PABPC4L: variants seen among roughly 807,000 people sequenced by gnomAD.
PABPC4L encodes poly(A) binding protein cytoplasmic 4 like, also known as polyadenylate-binding protein 4-like.
For missense variants in PABPC4L, 452 were observed against 451.4 expected, an observed-to-expected ratio of 1.00 and a Z score of -0.01; for synonymous variants, 169 against 164.1, an observed-to-expected ratio of 1.03 and a Z score of -0.23.
the PABPC4L span, among the ~76,000 whole-genome samples, chr4:133,968,589 G>C: frequency 6.6e-6 from 1 of 151,916 alleles, no homozygotes; most frequent in Non-Finnish European, 1.5e-5. Flanking sequence ...CTCCAGTTGT[G>C]AATACAAAAA....
chr4:134,060,638 T>C, the PABPC4L span, among the ~76,000 whole-genome samples: 1 of 151,800 alleles, frequency 6.6e-6, no homozygotes, highest in East Asian at 1.9e-4. Context: ...GACTCAGTCC[T>C]GGCAGGACCC....
chr4:133,953,168 T>C, the PABPC4L span, among the ~76,000 whole-genome samples: 1 of 152,152 alleles, frequency 6.6e-6, no homozygotes, highest in Admixed American at 6.5e-5. Context: ...TCTTAAAATG[T>C]CCTGGTTTTC....
chr4:134,013,108 C>G, the PABPC4L span, among the ~76,000 whole-genome samples: 1 of 151,940 alleles, frequency 6.6e-6, no homozygotes, highest in Non-Finnish European at 1.5e-5. Flanking sequence ...GAGGCAAGAA[C>G]CCCAACCCCT....
the PABPC4L span, among the ~76,000 whole-genome samples, chr4:134,057,903 G>C: frequency 6.6e-6 from 1 of 151,954 alleles, no homozygotes; most frequent in Non-Finnish European, 1.5e-5. Flanking sequence ...CTTTCTGGAA[G>C]CAAAGTAGCT....
chr4:134,199,345 A>T lies in PABPC4L; in HGVS notation c.*562T>A, dbSNP rs1183866351. 1 of 152,184 alleles carries T rather than the reference A, an allele frequency of 6.6e-6. No homozygotes were observed. The highest frequency in any genetic ancestry group is 2.4e-5 in the African/African-American group (1 of 41,466). The allele number at this position is 152,184 out of a possible 1,614,324, so 9.4% of individuals were successfully genotyped here. ...ATCCGAAAAACAAGCATGTCAGGAT[A>T]TAAATTTAAAAGAAATTCAACTATA... is the stretch of plus-strand genomic sequence containing the variant. On this transcript the variant is annotated 3_prime_UTR_variant, in exon 2 of 2. Transcript: ENST00000421491.
the PABPC4L span, among the ~76,000 whole-genome samples, chr4:134,133,285 AATTG>A: frequency 7.2e-6 from 1 of 138,940 alleles, no homozygotes; most frequent in East Asian, 2.1e-4. Context: ...TATTATATAT[AATTG>A]ATATATTAAT....
chr4:134,175,916 AGTCTT>A, the PABPC4L span, among the ~76,000 whole-genome samples: 693 of 152,334 alleles, frequency 4.5e-3, 9 homozygotes, highest in African/African-American at 0.016. Context: ...AATGTAAAAT[AGTCTT>A]GTCTTAACTG....
chr4:134,104,449 C>T, the PABPC4L span, among the ~76,000 whole-genome samples: 4 of 149,892 alleles, frequency 2.7e-5, no homozygotes, highest in African/African-American at 9.8e-5. Context: ...CTACATACAG[C>T]AGAATCCTCA....
the PABPC4L span, among the ~76,000 whole-genome samples, chr4:134,128,170 G>A: frequency 2.0e-5 from 3 of 152,180 alleles, no homozygotes; most frequent in East Asian, 5.8e-4. Flanking sequence ...TATGTTAAAC[G>A]ACCAAACCTA....
the PABPC4L span, among the ~76,000 whole-genome samples, chr4:134,169,334 C>T: frequency 1.3e-4 from 20 of 151,892 alleles, no homozygotes; most frequent in South Asian, 2.1e-4. Context: ...GACAAACCCA[C>T]GAATATTATC....
chr4:134,078,911 GCCTGCTT>G, the PABPC4L span, among the ~76,000 whole-genome samples: 1 of 147,456 alleles, frequency 6.8e-6, no homozygotes, highest in African/African-American at 2.5e-5. Flanking sequence ...CAGGTGATCT[GCCTGCTT>G]CAGCCTCTCA....
the PABPC4L span, among the ~76,000 whole-genome samples, chr4:134,156,919 T>C: frequency 5.9e-5 from 9 of 152,046 alleles, no homozygotes; most frequent in East Asian, 1.7e-3. Flanking sequence ...AGGTACACTC[T>C]AATTTAGGTG....
the PABPC4L span, among the ~76,000 whole-genome samples, chr4:134,183,719 T>A: frequency 0.21 from 31,819 of 151,794 alleles, 4,130 homozygotes; most frequent in Non-Finnish European, 0.27. Context: ...CTTAGAAATA[T>A]CATGCATCTA....
chr4:133,950,783 T>C, the PABPC4L span, among the ~76,000 whole-genome samples: 1 of 152,204 alleles, frequency 6.6e-6, no homozygotes, highest in Non-Finnish European at 1.5e-5. Context: ...ACAACCTCCA[T>C]AGTGTTCCCT....
chr4:134,055,032 T>C, the PABPC4L span, among the ~76,000 whole-genome samples: 1 of 152,128 alleles, frequency 6.6e-6, no homozygotes, highest in South Asian at 2.1e-4. Flanking sequence ...ATGCTAGGGT[T>C]TGGTGTTAGT....
the PABPC4L span, among the ~76,000 whole-genome samples, chr4:134,184,826 T>C: frequency 6.6e-6 from 1 of 152,060 alleles, no homozygotes; most frequent in Admixed American, 6.6e-5. Flanking sequence ...TGAGAGTTCC[T>C]ATTGTTATAC....
chr4:134,041,301 A>C, the PABPC4L span, among the ~76,000 whole-genome samples: 1 of 152,178 alleles, frequency 6.6e-6, no homozygotes, highest in African/African-American at 2.4e-5. Context: ...ACTGTTCACA[A>C]TAGCAAAGAC....
the PABPC4L span, among the ~76,000 whole-genome samples, chr4:134,085,675 T>C: frequency 6.6e-6 from 1 of 152,198 alleles, no homozygotes; most frequent in Admixed American, 6.5e-5. Flanking sequence ...CCATGTGGCA[T>C]GCTTTGTTTT....
chr4:134,154,162 A>T, the PABPC4L span, among the ~76,000 whole-genome samples: 6 of 152,152 alleles, frequency 3.9e-5, no homozygotes, highest in Admixed American at 6.5e-5. Context: ...TGGTATCTTT[A>T]AATAAAATAT....
Sources: gnomAD v4.1 joint callset for allele counts (sites outside exome capture counted in the v4.1 genomes callset) on GRCh38, gnomAD v4.1.1 for gene constraint, MANE v1.5 for transcripts, NCBI Gene and HGNC (gene_info 2026-07-23, HGNC 2026-07-21) for gene names.